The following MCF2L2 variants were observed in gnomAD, a reference collection of about 807,000 sequenced individuals.
MCF2L2 encodes MCF.2 cell line derived transforming sequence-like 2, also known as probable guanine nucleotide exchange factor MCF2L2.
In MCF2L2, 102 loss-of-function variants were observed where a neutral mutation model predicts 150.2. The observed-to-expected ratio is 0.68, with a 90% confidence interval of 0.58 to 0.80. MCF2L2 has a LOEUF of 0.80. MCF2L2 is among the 30% of genes least tolerant of loss of function. The pLI, the probability that MCF2L2 is intolerant of heterozygous loss-of-function variation, is 0.00. For synonymous variants in MCF2L2, 465 were observed against 491.3 expected (o/e 0.95, Z 0.71); for missense variants, 1,256 against 1,372.8 (o/e 0.91, Z 1.34).
intron 21 of MCF2L2, among the ~76,000 whole-genome samples, chr3:183,217,482 AAAAAAG>A (rs1162879236): frequency 2.6e-5 from 4 of 151,942 alleles, no homozygotes; most frequent in Admixed American, 6.6e-5. Context: ...ACAAAAAAAG[AAAAAAG>A]AAAAAGAAAA....
chr3:183,317,991 T>G, intron 7 of MCF2L2, 77 bp downstream of exon 7: 1 of 1,537,188 alleles, frequency 6.5e-7, no homozygotes, highest in Non-Finnish European at 8.8e-7. Flanking sequence ...CTGTTAATTC[T>G]GCTTCCAGCT....
In MCF2L2 at chr3:183,305,608, T is replaced by C. The variant is rs1729058120; in HGVS notation, c.1113+4108A>G. 6.6e-6 allele frequency among the ~76,000 whole-genome samples: 1 copy of C among 152,162 alleles called. No homozygotes were observed. The highest frequency in any genetic ancestry group is 1.5e-5 in the Non-Finnish European group (1 of 68,032). On this transcript the variant is annotated intron_variant, in intron 10 of 29. Coordinates refer to ENST00000328913, the MANE Select transcript of MCF2L2 (RefSeq NM_015078.4). The surrounding 1 kb of genome is among the most constrained non-coding windows in gnomAD (Gnocchi z 4.1). The stretch of plus-strand genomic sequence containing the variant: ...GGTCACGCCTGTAATCCCAGCACTT[T>C]GGGAAGCCAAGGCCGGCGGATCACA...
intron 23 of MCF2L2, among the ~76,000 whole-genome samples, chr3:183,206,957 G>A (rs930282561): frequency 2.6e-4 from 6 of 22,894 alleles, no homozygotes; most frequent in African/African-American, 9.2e-4. Context: ...AAGGAAGGAA[G>A]GAAGGAAGGA....
chr3:183,358,395 G>A (rs749648895), intron 3 of MCF2L2, among the ~76,000 whole-genome samples: 7 of 152,134 alleles, frequency 4.6e-5, no homozygotes, highest in East Asian at 1.9e-4. Context: ...ATAAACTGTT[G>A]ATGCTCCATG....
chr3:183,287,316 A>T (rs2108475601), intron 14 of MCF2L2, among the ~76,000 whole-genome samples: 1 of 152,284 alleles, frequency 6.6e-6, no homozygotes, highest in African/African-American at 2.4e-5. Context: ...TTGTCTGAAG[A>T]TGGGCAAAGT....
intron 25 of MCF2L2, among the ~76,000 whole-genome samples, chr3:183,200,334 G>A (rs2108641557): frequency 6.6e-6 from 1 of 152,334 alleles, no homozygotes; most frequent in South Asian, 2.1e-4. Flanking sequence ...GGTGTGAGAT[G>A]TTATCTCATT....
intron 21 of MCF2L2, among the ~76,000 whole-genome samples, chr3:183,219,245 C>T (rs1723055146): frequency 6.6e-6 from 1 of 152,170 alleles, no homozygotes; most frequent in African/African-American, 2.4e-5. Context: ...CCACAGCAGA[C>T]ATTTTATCAT....
In MCF2L2 at chr3:183,197,407, G is replaced by A. The variant is rs1193083117; in HGVS notation, c.2885-2152C>T. Among the ~76,000 whole-genome samples, 1 of 152,098 alleles carries A rather than the reference G, an allele frequency of 6.6e-6. No individual in the cohort carries two copies. The highest frequency in any genetic ancestry group is 1.9e-4 in the East Asian group (1 of 5,196). On this transcript the variant is annotated intron_variant, in intron 25 of 29. Transcript: ENST00000328913. The surrounding 1 kb of genome is among the most constrained non-coding windows in gnomAD (Gnocchi z 4.5). Reference sequence around the variant, plus strand: ...CTAGAACATCAGTATGCAAAGGACTGAACTTTGATCCATACCTCACACCAC... The same window carrying A: ...CTAGAACATCAGTATGCAAAGGACTAAACTTTGATCCATACCTCACACCAC...
At chr3:183,412,273 T>TTG (rs1291630424) in intron 1 of MCF2L2, among the ~76,000 whole-genome samples, 1 of 146,566 alleles carries the variant, frequency 6.8e-6, no homozygotes, top group Non-Finnish European at 1.5e-5. Flanking sequence ...TCTTCTCTAA[T>TTG]TGTTTGTTTG....
At chr3:183,275,169 G>A (rs1021224708) in intron 15 of MCF2L2, among the ~76,000 whole-genome samples, 7 of 151,592 alleles carry the variant, frequency 4.6e-5, no homozygotes, top group African/African-American at 1.5e-4. Context: ...ATATATTATC[G>A]TACTACCTAC....
chr3:183,307,740 C>T lies in MCF2L2; in HGVS notation c.1113+1976G>A, dbSNP rs549923628. 2.6e-5 allele frequency among the ~76,000 whole-genome samples: 4 copies of T among 152,362 alleles called. No individual in the cohort carries two copies. The South Asian group carries it at 8.3e-4, about 32-fold the overall frequency. On this transcript the variant is annotated intron_variant, in intron 10 of 29. Transcript: ENST00000328913. ...CCACTATTCAAGACACAGCCCAGAG[C>T]GCCTTCCAAGGGCTTTCTGTTCCAC...
At chr3:183,298,794 C>CACACACACACACACACA (rs1728690044) in intron 11 of MCF2L2, 3 of 150,330 alleles carry the variant, frequency 2.0e-5, no homozygotes, top group African/African-American at 7.4e-5. Flanking sequence ...CACACACACA[C>CACACACACACACACACA]CAGGCTTATA....
intron 15 of MCF2L2, among the ~76,000 whole-genome samples, chr3:183,261,982 AGAATT>A (rs939913362): frequency 2.8e-5 from 4 of 143,234 alleles, no homozygotes; most frequent in African/African-American, 1.1e-4. Context: ...AAAAAAGAAT[AGAATT>A]GGGCATTCAT....
Position 183,276,944 on chromosome 3 carries a change from A to G in MCF2L2, c.1790T>C (p.Phe597Ser). 6.2e-7 allele frequency: 1 copy of G among 1,607,574 alleles called. No homozygotes were observed. The highest frequency in any genetic ancestry group is 8.5e-7 in the Non-Finnish European group (1 of 1,176,428). ...GTTCCCCCTTTCATGATGGCTTTCA[A>G]AGATTTCTTCACTCTGAAGTGAAAG... ...TKFEVKSEEI[F>S]ESHHERGNPE... The change falls in exon 15 of 30, where the codon TTT becomes TCT. Residue 597 changes from phenylalanine to serine, a missense_variant. Physicochemically the swap from Phe to Ser is radical, Grantham distance 155. Coordinates refer to ENST00000328913, the MANE Select transcript of MCF2L2 (RefSeq NM_015078.4).
rs1354743204 is a variant in MCF2L2 at position 183,340,921 on chromosome 3, C to T, written c.366+619G>A. The stretch of plus-strand genomic sequence containing the variant: ...TTGCGCCACTGCACTCCAGCCTGGG[C>T]GACAGAGTGAGACACTGTTTCAAAA... On this transcript the variant is annotated intron_variant, in intron 4 of 29. Transcript: ENST00000328913. 1.2e-4 allele frequency among the ~76,000 whole-genome samples: 19 copies of T among 152,066 alleles called. No individual in the cohort carries two copies. In the South Asian group the frequency reaches 2.1e-3, roughly 17 times the overall value.
At chr3:183,351,190 G>GTATATATATATA (rs60311053) in intron 3 of MCF2L2, among the ~76,000 whole-genome samples, 29 of 38,830 alleles carry the variant, frequency 7.5e-4, no homozygotes, top group Admixed American at 1.1e-3. Flanking sequence ...ATTTTCTTAA[G>GTATATATATATA]TATATATATA....
intron 15 of MCF2L2, chr3:183,269,719 C>T (rs866378772): frequency 4.5e-5 from 60 of 1,327,236 alleles, no homozygotes; most frequent in East Asian, 1.4e-4. Flanking sequence ...ACCTACTCTA[C>T]GAAACACGAA....
At position 183,301,779 on chromosome 3, in the gene MCF2L2, C is replaced by T. The variant is rs547484108; in HGVS notation, c.1114-1583G>A. 7.3e-5 allele frequency among the ~76,000 whole-genome samples: 10 copies of T among 137,240 alleles called. No homozygotes were observed. The East Asian group carries it at 2.2e-3, about 30-fold the overall frequency. The allele number at this position is 137,240 out of a possible 152,430, so 90.0% of individuals were successfully genotyped here. Reference sequence around the variant, plus strand: ...CACTGCACTCCAGCCTGGGTGAGAGCTAGGCTCTGTCTCCAAAAAAAAAAA... The same window carrying T: ...CACTGCACTCCAGCCTGGGTGAGAGTTAGGCTCTGTCTCCAAAAAAAAAAA... On this transcript the variant is annotated intron_variant, in intron 10 of 29. Coordinates refer to ENST00000328913, the MANE Select transcript of MCF2L2 (RefSeq NM_015078.4).
chr3:183,272,998 T>A (rs905828365), intron 15 of MCF2L2: 11 of 1,480,262 alleles, frequency 7.4e-6, no homozygotes, highest in Non-Finnish European at 8.9e-6. Flanking sequence ...GCACTTCCTT[T>A]TTTTCTAAGA....
Sources: gnomAD v4.1 joint callset for allele counts (sites outside exome capture counted in the v4.1 genomes callset) on GRCh38, gnomAD v4.1.1 for gene constraint, Gnocchi (gnomAD v3.1) non-coding constraint, MANE v1.5 for transcripts, NCBI Gene and HGNC (gene_info 2026-07-23, HGNC 2026-07-21) for gene names.